The following TTYH3 variants were observed in gnomAD, a reference collection of about 807,000 sequenced individuals.
TTYH3 encodes the protein protein tweety homolog 3.
TTYH3 carries 23 observed loss-of-function variants against 68.2 expected under a neutral mutation model. That is an observed-to-expected ratio of 0.34 (90% CI 0.24 to 0.48). The LOEUF is 0.48. TTYH3 is among the 20% of genes least tolerant of loss of function. The probability of loss-of-function intolerance (pLI) is 0.99; values close to 1 mark genes in which losing one functional copy is unlikely to be tolerated. For synonymous variants in TTYH3, 360 were observed against 332.8 expected (o/e 1.08, Z -0.89); for missense variants, 768 against 727.7 (o/e 1.06, Z -0.64).
intron 1 of TTYH3, among the ~76,000 whole-genome samples, chr7:2,640,783 C>T (rs1208830534): frequency 1.1e-5 from 1 of 89,232 alleles, no homozygotes; most frequent in Non-Finnish European, 2.1e-5. Context: ...GTCGTCTGCT[C>T]AAGTGCCCCG....
rs569395889 is a variant in TTYH3, at chr7:2,638,948, C to T, written c.123+6670C>T. Reference sequence around the variant, plus strand: ...GGTGGTGGTAGTGGCTCGCACACGCCGAGCCCACCCTGGCCTCCCCAAACA... The same window carrying T: ...GGTGGTGGTAGTGGCTCGCACACGCTGAGCCCACCCTGGCCTCCCCAAACA... On this transcript the variant is annotated intron_variant, in intron 1 of 13. Transcript: ENST00000258796. Among the ~76,000 whole-genome samples, 123 of 152,204 alleles carry T rather than the reference C, an allele frequency of 8.1e-4. 1 individual carries two copies. In the South Asian group the frequency reaches 0.015, roughly 19 times the overall value.
intron 1 of TTYH3, 45 bp downstream of exon 1, chr7:2,632,323 A>C (rs1379717506): frequency 1.3e-6 from 2 of 1,508,590 alleles, no homozygotes; most frequent in Non-Finnish European, 1.8e-6. Flanking sequence ...ACCCCAGGTC[A>C]CGGCCCCCTC....
At chr7:2,642,416 C>T (rs1049649911) in intron 1 of TTYH3, among the ~76,000 whole-genome samples, 2 of 151,764 alleles carry the variant, frequency 1.3e-5, no homozygotes, top group African/African-American at 2.4e-5. Context: ...TTGGTGCATG[C>T]CTCTAGTCCC....
At chr7:2,655,578 G>A (rs1394163763) in intron 9 of TTYH3, among the ~76,000 whole-genome samples, 3 of 152,256 alleles carry the variant, frequency 2.0e-5, no homozygotes, top group Non-Finnish European at 4.4e-5. Context: ...CTCCAGGCAT[G>A]AGACAGAGCT....
rs765689645 is a variant in TTYH3 at position 2,640,952 on chromosome 7, C to T, written c.124-5901C>T. ...TCACACAGAGCAAAGGCTGCAGCAC[C>T]GGGTTTGGGCCTGGGTCTCTAATAT... On this transcript the variant is annotated intron_variant, in intron 1 of 13. Coordinates refer to ENST00000258796, the MANE Select transcript of TTYH3 (RefSeq NM_025250.3). Among the ~76,000 whole-genome samples the T allele has an allele frequency of 2.0e-5, 3 of 152,198 alleles. No homozygotes were observed. In the South Asian group the frequency reaches 6.2e-4, roughly 31 times the overall value.
rs375794821 is a variant in TTYH3 at position 2,649,650 on chromosome 7, G to C, written c.795+11G>C. The C allele has an allele frequency of 1.2e-4, 199 of 1,594,166 alleles. No individual in the cohort carries two copies. In the African/African-American group the frequency reaches 2.6e-3, roughly 20 times the overall value. ...CTGGCTGTGTCCGTGGTGAGTGGCA[G>C]AGGGGGTGAGGTCCCCGGCTGCTGG... On this transcript the variant is annotated intron_variant, in intron 6 of 13. Transcript: ENST00000258796.
chr7:2,633,882 G>C (rs1583551493), intron 1 of TTYH3, among the ~76,000 whole-genome samples: 2 of 152,278 alleles, frequency 1.3e-5, no homozygotes, highest in East Asian at 1.9e-4. Flanking sequence ...TCCCACATTC[G>C]AGACAGGCAG....
intron 1 of TTYH3, among the ~76,000 whole-genome samples, chr7:2,637,771 T>C (rs536907488): frequency 1.3e-5 from 2 of 152,210 alleles, no homozygotes; most frequent in African/African-American, 4.8e-5. Context: ...CCTGCCGCTA[T>C]GTTCTGCAGG....
At chr7:2,638,099 G>T (rs1785728693) in intron 1 of TTYH3, among the ~76,000 whole-genome samples, 1 of 152,188 alleles carries the variant, frequency 6.6e-6, no homozygotes, top group Non-Finnish European at 1.5e-5. Flanking sequence ...CTGCAGCCCT[G>T]TGTCTGGGGT....
In TTYH3 at chr7:2,652,216, C is replaced by T. The variant is rs1260505669; in HGVS notation, c.901C>T (p.Pro301Ser). Residue 301 changes from proline (P) to serine (S), a missense_variant, in exon 8 of 14, where the codon CCC becomes TCC. Physicochemically the swap from Pro to Ser is moderately conservative, Grantham distance 74. Coordinates refer to ENST00000258796, the MANE Select transcript of TTYH3 (RefSeq NM_025250.3). Reference protein sequence around the residue: ...DILQYYLACSPRAANPFQQKL... With the variant: ...DILQYYLACSSRAANPFQQKL... ...CCTGCAGTACTACCTGGCCTGCTCG[C>T]CCCGCGCCGCCAACCCCTTCCAGCA... 3 of 1,613,010 alleles carry T rather than the reference C, an allele frequency of 1.9e-6. No individual in the cohort carries two copies. The highest frequency in any genetic ancestry group is 1.1e-5 in the South Asian group (1 of 91,088).
intron 9 of TTYH3, 136 bp from the exon 10 acceptor site, chr7:2,655,956 G>C: frequency 2.9e-6 from 2 of 684,370 alleles, no homozygotes; most frequent in East Asian, 2.8e-5. Context: ...CCTGCACTGA[G>C]ACCCCAGGGT....
intron 1 of TTYH3, among the ~76,000 whole-genome samples, chr7:2,640,348 G>A (rs927614171): frequency 5.9e-5 from 9 of 152,204 alleles, no homozygotes; most frequent in East Asian, 5.8e-4. Context: ...GCAGGGTAGC[G>A]GGGTGGGCAG....
Position 2,647,188 on chromosome 7 carries a change from G to A in TTYH3, c.340G>A (p.Gly114Ser). The change falls in exon 3 of 14, where the codon GGC becomes AGC. Residue 114 changes from glycine to serine, a missense_variant. Transcript: ENST00000258796. ...GFYGNGETSDGIHRATYSLRH... is the reference protein window; with the variant it reads ...GFYGNGETSDSIHRATYSLRH... ...CTACGGCAACGGGGAGACCAGTGAT[G>A]GCATCCATAGGGCCACCTACTCGCT... 6.2e-7 allele frequency: 1 copy of A among 1,606,964 alleles called. No homozygotes were observed. Among genetic ancestry groups the A allele is most frequent in the Non-Finnish European group, 8.5e-7 (1 of 1,178,232 alleles).
At chr7:2,635,455 A>C (rs567752166) in intron 1 of TTYH3, among the ~76,000 whole-genome samples, 59 of 152,242 alleles carry the variant, frequency 3.9e-4, no homozygotes, top group Admixed American at 6.5e-4. Context: ...GATCAAGTTC[A>C]TGCCCACTGA....
Position 2,647,657 on chromosome 7 carries a change from C to T in TTYH3, c.626+19C>T. The T allele has an allele frequency of 3.9e-6, 6 of 1,539,800 alleles. No individual in the cohort carries two copies. The highest frequency in any genetic ancestry group is 5.3e-6 in the Non-Finnish European group (6 of 1,137,768). On this transcript the variant is annotated intron_variant, in intron 4 of 13. Transcript: ENST00000258796. ...GGTACAGGTGCGGCCAGGCCCTCTT[C>T]CCTGCCCGCCCCACGTGGGAAAGCA...
In TTYH3 at chr7:2,632,009, G is replaced by A. The variant is rs1785531196; in HGVS notation, c.-147G>A. The A allele has an allele frequency of 8.3e-6, 5 of 605,356 alleles. No individual in the cohort carries two copies. The highest frequency in any genetic ancestry group is 1.1e-5 in the Non-Finnish European group (5 of 475,010). 37.5% of individuals were successfully genotyped at this position (605,356 alleles called of 1,614,324 possible). A position where few individuals can be genotyped will look rare whatever the true frequency, so the allele number is the denominator to read the frequency against. On this transcript the variant is annotated 5_prime_UTR_variant, in exon 1 of 14. Coordinates refer to ENST00000258796, the MANE Select transcript of TTYH3 (RefSeq NM_025250.3). ...GAGCGGAGCCGAGCGCAGCCGAGCC[G>A]GGCCGAGCCGGGCCGGGCCGGGCCC...
chr7:2,658,819 A>T, intron 12 of TTYH3, 121 bp from the exon 13 acceptor site: 1 of 945,836 alleles, frequency 1.1e-6, no homozygotes, highest in Admixed American at 2.0e-5. Flanking sequence ...GGTTCGTGGG[A>T]CCCCCAGTGA....
At chr7:2,643,657 G>T (rs1043874416) in intron 1 of TTYH3, among the ~76,000 whole-genome samples, 8 of 152,244 alleles carry the variant, frequency 5.3e-5, no homozygotes, top group Non-Finnish European at 1.0e-4. Flanking sequence ...TTTGGCCAGG[G>T]CTTATCTCGC....
At chr7:2,655,379 C>T (rs191741628) in intron 9 of TTYH3, among the ~76,000 whole-genome samples, 2 of 152,348 alleles carry the variant, frequency 1.3e-5, no homozygotes, top group Admixed American at 1.3e-4. Flanking sequence ...CTCTTGGCCT[C>T]AAGTGATCCA....
Sources: allele counts gnomAD v4.1 joint callset (sites outside exome capture counted in the v4.1 genomes callset), GRCh38; gene constraint gnomAD v4.1.1; transcripts MANE v1.5; gene names NCBI Gene and HGNC (gene_info 2026-07-23, HGNC 2026-07-21).